Variants in CECR2 observed in about 807,000 individuals in gnomAD.
The protein encoded by CECR2 is CECR2 histone acetyl-lysine reader.
A neutral mutation model predicts 154.5 loss-of-function variants in CECR2; 30 were observed. The ratio of observed to expected loss-of-function variants is 0.19; its 90% CI spans 0.15 to 0.26. The LOEUF (loss-of-function observed/expected upper bound fraction) is 0.26, where lower values mean the gene tolerates loss of function less well. Ranked by LOEUF, CECR2 falls within the 10% of genes least tolerant of loss-of-function variation. The pLI, the probability that CECR2 is intolerant of heterozygous loss-of-function variation, is 1.00. For synonymous variants in CECR2, 725 were observed against 683.7 expected, an observed-to-expected ratio of 1.06 and a Z score of -0.94; for missense variants, 1,743 against 1,829.3, an observed-to-expected ratio of 0.95 and a Z score of 0.86.
At chr22:17,524,454 G>A (rs1280550291) in intron 9 of CECR2, 183 bp downstream of exon 9, 90 of 614,224 alleles carry the variant, frequency 1.5e-4, no homozygotes, top group Non-Finnish European at 1.8e-4. Context: ...GTGCAGTGGC[G>A]TGATCTCAGC....
chr22:17,507,973 A>G (rs1181409109), intron 7 of CECR2, among the ~76,000 whole-genome samples: 6 of 152,336 alleles, frequency 3.9e-5, no homozygotes, highest in East Asian at 1.9e-4. Context: ...ATAACTTCCA[A>G]ACATTTCCAA....
intron 8 of CECR2, among the ~76,000 whole-genome samples, chr22:17,514,028 G>A (rs918165294): frequency 4.6e-5 from 7 of 152,168 alleles, no homozygotes; most frequent in South Asian, 4.1e-4. Flanking sequence ...TGTGGTCCCC[G>A]ATATCCTGGA....
intron 1 of CECR2, among the ~76,000 whole-genome samples, chr22:17,459,494 G>A (rs1324309757): frequency 1.3e-5 from 2 of 151,716 alleles, no homozygotes; most frequent in African/African-American, 2.4e-5. Flanking sequence ...TTTGGTTTTT[G>A]TAAAGACAGA....
chr22:17,365,640 G>C (rs1432286321), upstream of CECR2, among the ~76,000 whole-genome samples: 1 of 152,156 alleles, frequency 6.6e-6, no homozygotes, highest in African/African-American at 2.4e-5. Context: ...AGCTTGCAGT[G>C]AGCCAAGATG....
rs117811192 is a variant in CECR2, at chr22:17,444,957, A to G, written c.127-32631A>G. Among the ~76,000 whole-genome samples, 1,385 of 152,354 alleles carry G rather than the reference A, an allele frequency of 9.1e-3. 77 individuals are homozygous for G. The East Asian group carries it at 0.16, about 17-fold the overall frequency. ...CACAAAAAAACCAAGTATCCTTACT[A>G]TGAAAAATAATGTGCTGATTTCTCT... On this transcript the variant is annotated intron_variant, in intron 1 of 18. Coordinates refer to ENST00000262608, the MANE Select transcript of CECR2 (RefSeq NM_001290047.2).
chr22:17,393,224 T>G (rs976621531), intron 1 of CECR2, among the ~76,000 whole-genome samples: 7 of 152,300 alleles, frequency 4.6e-5, no homozygotes, highest in Admixed American at 2.6e-4. Context: ...CTCTCTGCTT[T>G]TATAGATTTT....
intron 9 of CECR2, among the ~76,000 whole-genome samples, chr22:17,525,338 A>T (rs1364829139): frequency 6.9e-6 from 1 of 145,920 alleles, no homozygotes; most frequent in East Asian, 2.1e-4. Flanking sequence ...GGGAGGGAAA[A>T]GAAAAGAAAG....
chr22:17,545,566 T>G (rs1203000733), intron 16 of CECR2, among the ~76,000 whole-genome samples: 1 of 151,810 alleles, frequency 6.6e-6, no homozygotes, highest in Admixed American at 6.6e-5. Context: ...GATTCCTGGC[T>G]GAGCACGGTG....
At chr22:17,523,755 C>CAAAAAAAA (rs66963477) in intron 8 of CECR2, among the ~76,000 whole-genome samples, 7 of 101,168 alleles carry the variant, frequency 6.9e-5, no homozygotes, top group African/African-American at 1.1e-4. Context: ...GACTCTATCT[C>CAAAAAAAA]AAAAAAAAAA....
At chr22:17,391,391 A>G (rs970754143) in intron 1 of CECR2, among the ~76,000 whole-genome samples, 2 of 152,236 alleles carry the variant, frequency 1.3e-5, no homozygotes, top group African/African-American at 4.8e-5. Context: ...TTCAAGCTGC[A>G]GGGCTACTAG....
At chr22:17,379,361 GC>G (rs2063158020) in intron 1 of CECR2, among the ~76,000 whole-genome samples, 1 of 152,196 alleles carries the variant, frequency 6.6e-6, no homozygotes, top group Admixed American at 6.5e-5. Context: ...ATAAAGAAAG[GC>G]CTTCCCCTAC....
At chr22:17,372,261 C>G (rs1243597669) in intron 1 of CECR2, among the ~76,000 whole-genome samples, 2 of 152,190 alleles carry the variant, frequency 1.3e-5, no homozygotes, top group Non-Finnish European at 2.9e-5. Flanking sequence ...TAATCCATCT[C>G]AGGTATGTTT....
Position 17,557,050 on chromosome 22 carries a change from C to CT in CECR2, c.*4211dup, listed in dbSNP as rs1166138459. 1 of 152,060 alleles carries CT rather than the reference C, an allele frequency of 6.6e-6. No individual in the cohort carries two copies. The highest frequency in any genetic ancestry group is 2.4e-5 in the African/African-American group (1 of 41,404). The allele number at this position is 152,060 out of a possible 1,614,324, so 9.4% of individuals were successfully genotyped here. ...CCCTATTTCTTTTTTGGGTTGGACT[C>CT]TGCCGTGCAGCCATAGGACACCAAG... On this transcript the variant is annotated 3_prime_UTR_variant, in exon 19 of 19. Transcript: ENST00000262608.
intron 1 of CECR2, among the ~76,000 whole-genome samples, chr22:17,443,042 T>G (rs1387431247): frequency 1.3e-5 from 2 of 152,230 alleles, no homozygotes; most frequent in Non-Finnish European, 2.9e-5. Flanking sequence ...CAGGCTCCAT[T>G]TACTTGCTGT....
chr22:17,524,162 G>C lies in CECR2; in HGVS notation c.999G>C (p.Glu333Asp), dbSNP rs751780457. The change falls in exon 9 of 19, where the codon GAG becomes GAC. Residue 333 changes from glutamate to aspartate, a missense_variant. By Grantham distance (45) the Glu-to-Asp change is conservative. Around this residue, in one of 4 missense-constraint regions of CECR2, gnomAD observed 292 missense variants for 301.2 expected, o/e 0.97. Transcript: ENST00000262608. ...LTRIEKQKRK[E>D]EEEERQILLA... The stretch of plus-strand genomic sequence containing the variant: ...GAATAGAAAAACAAAAGCGCAAAGA[G>C]GAGGAAGAAGAGCGTCAGATTCTTC... 5 of 1,604,408 alleles carry C rather than the reference G, an allele frequency of 3.1e-6. No individual in the cohort carries two copies. The East Asian group carries it at 1.1e-4, about 36-fold the overall frequency.
In CECR2 at chr22:17,375,208, G is replaced by A. The variant is rs1053979241; in HGVS notation, c.126+5299G>A. Among the ~76,000 whole-genome samples, 14 of 152,040 alleles carry A rather than the reference G, an allele frequency of 9.2e-5. 1 individual carries two copies. Among genetic ancestry groups the A allele is most frequent in the Non-Finnish European group, 1.5e-5 (1 of 68,006 alleles). On this transcript the variant is annotated intron_variant, in intron 1 of 18. Coordinates refer to ENST00000262608, the MANE Select transcript of CECR2 (RefSeq NM_001290047.2). The stretch of plus-strand genomic sequence containing the variant: ...GGCTCACTGCAACCTCCACCTCCTG[G>A]GTTCAAGCGATTCTCCTGCCTCAGC...
Position 17,542,314 on chromosome 22 carries a change from A to T in CECR2, c.2171A>T (p.Tyr724Phe). Residue 724 changes from tyrosine to phenylalanine, a missense_variant, in exon 16 of 19, where the codon TAT (tyrosine) becomes TTT (phenylalanine). This residue lies in a region of CECR2 where 1,250 missense variants were observed against 1,192.1 expected (regional missense o/e 1.05). Transcript: ENST00000262608. Reference protein sequence around the residue: ...ISGPSQDGSMYAPAQFQPGFI... With the variant: ...ISGPSQDGSMFAPAQFQPGFI... ...GGCCCAAGTCAGGATGGAAGCATGT[A>T]TGCTCCAGCTCAGTTCCAGCCAGGA... 6.2e-7 allele frequency: 1 copy of T among 1,612,896 alleles called. No individual in the cohort carries two copies. Among genetic ancestry groups the T allele is most frequent in the South Asian group, 1.1e-5 (1 of 90,824 alleles).
intron 1 of CECR2, among the ~76,000 whole-genome samples, chr22:17,406,906 C>T (rs983910328): frequency 1.3e-5 from 2 of 152,080 alleles, no homozygotes; most frequent in East Asian, 1.9e-4. Flanking sequence ...GGGGTATTCT[C>T]GTGCGAAAAT....
At chr22:17,383,440 A>T (rs2063222937) in intron 1 of CECR2, among the ~76,000 whole-genome samples, 1 of 152,166 alleles carries the variant, frequency 6.6e-6, no homozygotes, top group South Asian at 2.1e-4. Context: ...GGTTTAGAAT[A>T]TTCTAAATCT....
Sources: allele counts gnomAD v4.1 joint callset (sites outside exome capture counted in the v4.1 genomes callset), GRCh38; gene constraint gnomAD v4.1.1; regional missense constraint gnomAD v4.1.1; transcripts MANE v1.5; gene names NCBI Gene and HGNC (gene_info 2026-07-23, HGNC 2026-07-21).